TTC39B: variants seen among roughly 807,000 people sequenced by gnomAD.
TTC39B encodes the protein tetratricopeptide repeat domain 39B.
In TTC39B, 92 loss-of-function variants were observed where a neutral mutation model predicts 96.6. The ratio of observed to expected loss-of-function variants is 0.95; its 90% CI spans 0.80 to 1.13. The LOEUF is 1.13. Among genes scored for constraint, TTC39B ranks in the 50% most tolerant of loss-of-function variants. TTC39B has a pLI of 0.00. For synonymous variants in TTC39B, 367 were observed against 299.4 expected, an observed-to-expected ratio of 1.23 and a Z score of -2.33; for missense variants, 955 against 809.3, an observed-to-expected ratio of 1.18 and a Z score of -2.18.
intron 1 of TTC39B, among the ~76,000 whole-genome samples, chr9:15,300,466 A>G (rs143664122): frequency 1.7e-3 from 256 of 152,232 alleles, no homozygotes; most frequent in Middle Eastern, 3.4e-3. Flanking sequence ...ATTACTCATC[A>G]TCTTCCACAC....
At chr9:15,199,924 T>G in exon 8 of TTC39B, 2 of 1,532,854 alleles carry the variant, frequency 1.3e-6, no homozygotes, top group Non-Finnish European at 1.8e-6. Context: ...CATATTTTCA[T>G]CCTGAAAATA....
Position 15,190,722 on chromosome 9 carries a change from C to G in TTC39B, c.997-60G>C, listed in dbSNP as rs1818810536. ...AAGACTGGAAAATCATATTCAGAAACTTTTTAAACATTTTTATATATTAGG... is the reference window on the plus strand; with the variant it reads ...AAGACTGGAAAATCATATTCAGAAAGTTTTTAAACATTTTTATATATTAGG... On this transcript the variant is annotated intron_variant, in intron 10 of 19. Transcript: ENST00000512701. 6.5e-6 allele frequency: 9 copies of G among 1,381,164 alleles called. No individual in the cohort carries two copies. In the South Asian group the frequency reaches 1.1e-4, roughly 17 times the overall value. The allele number at this position is 1,381,164 out of a possible 1,614,324, so 85.6% of individuals were successfully genotyped here.
At chr9:15,294,313 C>T (rs1229193954) in intron 1 of TTC39B, among the ~76,000 whole-genome samples, 1 of 152,190 alleles carries the variant, frequency 6.6e-6, no homozygotes, top group African/African-American at 2.4e-5. Context: ...CTCTTACTTC[C>T]TTTACCTTTT....
At chr9:15,239,125 A>G (rs1363486389) in intron 2 of TTC39B, among the ~76,000 whole-genome samples, 2 of 152,242 alleles carry the variant, frequency 1.3e-5, no homozygotes, top group Non-Finnish European at 2.9e-5. Flanking sequence ...TTTCTTAAAT[A>G]AAATAATACA....
chr9:15,271,542 T>C (rs935984595), intron 1 of TTC39B, among the ~76,000 whole-genome samples: 1 of 152,128 alleles, frequency 6.6e-6, no homozygotes, highest in Non-Finnish European at 1.5e-5. Context: ...TGCATGCACA[T>C]TTCACAGTAG....
intron 18 of TTC39B, among the ~76,000 whole-genome samples, chr9:15,177,307 C>T (rs1817994659): frequency 6.6e-6 from 1 of 151,552 alleles, no homozygotes; most frequent in Non-Finnish European, 1.5e-5. Flanking sequence ...GCACTCCAGT[C>T]TGGACAACAA....
chr9:15,251,721 A>G (rs1362204764), intron 2 of TTC39B, among the ~76,000 whole-genome samples: 1 of 122,536 alleles, frequency 8.2e-6, no homozygotes, highest in Non-Finnish European at 1.6e-5. Context: ...ATATATATAT[A>G]TATATATATA....
chr9:15,260,771 G>A (rs1374038002), intron 2 of TTC39B, among the ~76,000 whole-genome samples: 1 of 152,086 alleles, frequency 6.6e-6, no homozygotes, highest in Non-Finnish European at 1.5e-5. Context: ...AAAAGGCCAA[G>A]AAGCGATCAA....
At chr9:15,234,416 G>C (rs1338795829) in intron 2 of TTC39B, among the ~76,000 whole-genome samples, 1 of 144,950 alleles carries the variant, frequency 6.9e-6, no homozygotes, top group Non-Finnish European at 1.5e-5. Context: ...GGGGGGGTCA[G>C]CCCCCCGCCC....
intron 2 of TTC39B, among the ~76,000 whole-genome samples, chr9:15,233,622 T>C (rs1263348228): frequency 1.3e-5 from 2 of 152,134 alleles, no homozygotes; most frequent in Non-Finnish European, 2.9e-5. Flanking sequence ...CCTCCCGAGG[T>C]GCCGGGATTG....
At chr9:15,247,995 T>C (rs560155772) in intron 2 of TTC39B, among the ~76,000 whole-genome samples, 32 of 152,352 alleles carry the variant, frequency 2.1e-4, no homozygotes, top group African/African-American at 7.7e-4. Context: ...ACTGAGTTAG[T>C]CTTTGTGCAC....
chr9:15,267,406 T>C (rs762167434), intron 2 of TTC39B, among the ~76,000 whole-genome samples: 11 of 152,242 alleles, frequency 7.2e-5, no homozygotes, highest in Non-Finnish European at 1.2e-4. Flanking sequence ...TAATTCAAAA[T>C]ATAACAAAGC....
chr9:15,189,387 T>C (rs1818719736), intron 13 of TTC39B, among the ~76,000 whole-genome samples, 187 bp downstream of exon 13: 1 of 152,192 alleles, frequency 6.6e-6, no homozygotes, highest in Admixed American at 6.5e-5. Context: ...ATCCACTGCA[T>C]AGATTTTATA....
chr9:15,188,479 A>C (rs1212732348), intron 13 of TTC39B, among the ~76,000 whole-genome samples: 1 of 152,236 alleles, frequency 6.6e-6, no homozygotes, highest in Non-Finnish European at 1.5e-5. Context: ...AGACAGGAAG[A>C]AGATGTCACT....
At chr9:15,182,237 C>G in intron 17 of TTC39B, 70 bp downstream of exon 17, 1 of 963,744 alleles carries the variant, frequency 1.0e-6, no homozygotes, top group Non-Finnish European at 1.6e-6. Context: ...CAGATGTGCA[C>G]AGGGAAAAGA....
chr9:15,187,337 C>T (rs979785646), intron 14 of TTC39B, among the ~76,000 whole-genome samples: 2 of 152,172 alleles, frequency 1.3e-5, no homozygotes, highest in African/African-American at 4.8e-5. Flanking sequence ...AATTAATTTT[C>T]ATTATCATGA....
At chr9:15,206,672 G>C (rs943058292) in intron 6 of TTC39B, among the ~76,000 whole-genome samples, 2 of 151,990 alleles carry the variant, frequency 1.3e-5, no homozygotes, top group African/African-American at 4.8e-5. Flanking sequence ...AGCTAAATAA[G>C]CTAAGTTTAT....
At chr9:15,268,838 T>A (rs1330119621) in intron 1 of TTC39B, among the ~76,000 whole-genome samples, 1 of 152,232 alleles carries the variant, frequency 6.6e-6, no homozygotes, top group Non-Finnish European at 1.5e-5. Flanking sequence ...TTTTACTTCA[T>A]GTTTTTGAAT....
chr9:15,240,297 C>A (rs1266221693), intron 2 of TTC39B, among the ~76,000 whole-genome samples: 1 of 152,174 alleles, frequency 6.6e-6, no homozygotes, highest in East Asian at 1.9e-4. Flanking sequence ...GGAAAAACAG[C>A]TGAAAAAGGC....
Sources: allele counts gnomAD v4.1 joint callset (sites outside exome capture counted in the v4.1 genomes callset), GRCh38; gene constraint gnomAD v4.1.1; transcripts MANE v1.5; gene names NCBI Gene and HGNC (gene_info 2026-07-23, HGNC 2026-07-21).